Variants in ZNF532 observed in about 807,000 individuals in gnomAD.
The protein encoded by ZNF532 is zinc finger protein 532.
Under a neutral mutation model 89.3 loss-of-function variants are expected in ZNF532, and 22 were observed. The observed-to-expected ratio is 0.25, with a 90% CI of 0.18 to 0.35. The LOEUF (loss-of-function observed/expected upper bound fraction) is 0.35. Among genes scored for constraint, ZNF532 ranks in the 10% least tolerant of loss-of-function variants. The probability of loss-of-function intolerance (pLI) is 1.00; values close to 1 mark genes in which losing one functional copy is unlikely to be tolerated. For missense variants in ZNF532, 1,132 were observed against 1,643.4 expected (o/e 0.69, Z 5.38); for synonymous variants, 606 against 649.6 (o/e 0.93, Z 1.02).
At chr18:58,967,907 G>GA (rs2066092876) in intron 7 of ZNF532, among the ~76,000 whole-genome samples, 2 of 152,194 alleles carry the variant, frequency 1.3e-5, no homozygotes, top group Non-Finnish European at 2.9e-5. Context: ...ACATGTGTTA[G>GA]AAAAAATCAT....
chr18:58,919,780 A>G lies in ZNF532; in HGVS notation c.1493A>G (p.Asn498Ser), dbSNP rs370142003. ...SASSAIIKAANAIQQQTVVVP... is the reference protein window; with the variant it reads ...SASSAIIKAASAIQQQTVVVP... ...AGCAGCGCCATCATTAAAGCTGCCAACGCCATCCAGCAGCAAACTGTCGTG... is the reference window on the plus strand; with the variant it reads ...AGCAGCGCCATCATTAAAGCTGCCAGCGCCATCCAGCAGCAAACTGTCGTG... The change falls in exon 3 of 10, where the codon AAC becomes AGC. Residue 498 changes from asparagine (N) to serine (S), a missense_variant. Physicochemically the swap from Asn to Ser is conservative, Grantham distance 46. Around this residue, in one of 9 missense-constraint regions of ZNF532, gnomAD observed 97 missense variants for 143.7 expected, o/e 0.68. Transcript: ENST00000591808. This position sits in a 1 kb window ranked among gnomAD's most constrained non-coding sequence, Gnocchi z 6.1. The G allele has an allele frequency of 5.0e-6, 8 of 1,613,950 alleles. No homozygotes were observed. In the Admixed American group the frequency reaches 6.7e-5, roughly 13 times the overall value.
chr18:58,952,236 G>C (rs565169434), intron 6 of ZNF532, among the ~76,000 whole-genome samples: 3 of 152,204 alleles, frequency 2.0e-5, no homozygotes, highest in Non-Finnish European at 4.4e-5. Flanking sequence ...ATGTGTGAAA[G>C]CCTCTTAGGA....
intron 6 of ZNF532, 78 bp downstream of exon 6, chr18:58,948,307 T>C: frequency 6.8e-7 from 1 of 1,461,214 alleles, no homozygotes; most frequent in African/African-American, 1.4e-5. Context: ...GAGCTGCAGG[T>C]GACTCTAAAG....
At chr18:58,966,590 C>T (rs1298199685) in intron 7 of ZNF532, among the ~76,000 whole-genome samples, 1 of 152,034 alleles carries the variant, frequency 6.6e-6, no homozygotes, top group Non-Finnish European at 1.5e-5. Context: ...GATTCCATTT[C>T]TAAAATTTAC....
chr18:58,966,425 C>T (rs927269102), intron 7 of ZNF532, among the ~76,000 whole-genome samples: 10 of 151,938 alleles, frequency 6.6e-5, no homozygotes, highest in Non-Finnish European at 1.5e-4. Flanking sequence ...TTTAGCAAAC[C>T]TGTTTATTTT....
At chr18:58,957,412 T>C (rs1335421313) in intron 7 of ZNF532, among the ~76,000 whole-genome samples, 6 of 68,600 alleles carry the variant, frequency 8.7e-5, no homozygotes, top group Middle Eastern at 0.011. Flanking sequence ...AATACATATA[T>C]ATATATATAT....
At chr18:58,869,913 C>T (rs529245221) in intron 2 of ZNF532, among the ~76,000 whole-genome samples, 10 of 151,422 alleles carry the variant, frequency 6.6e-5, no homozygotes, top group Admixed American at 3.3e-4. Context: ...ATTACAGGTG[C>T]GTGCCACCAT....
chr18:58,953,974 C>T (rs1392991332), intron 7 of ZNF532, 175 bp downstream of exon 7: 1 of 985,196 alleles, frequency 1.0e-6, no homozygotes, highest in East Asian at 1.1e-4. Context: ...CTTTTCAAAT[C>T]CTTCAGTCTT....
chr18:58,929,018 A>G (rs944015428), intron 3 of ZNF532, among the ~76,000 whole-genome samples: 17 of 152,306 alleles, frequency 1.1e-4, no homozygotes, highest in African/African-American at 3.6e-4. Flanking sequence ...TTCTTGTGGC[A>G]TTTATATCAG....
intron 6 of ZNF532, among the ~76,000 whole-genome samples, chr18:58,950,503 A>G (rs972601972): frequency 5.3e-5 from 8 of 151,812 alleles, no homozygotes; most frequent in African/African-American, 9.7e-5. Flanking sequence ...AAGATAATCT[A>G]TTTAGCTCTT....
intron 2 of ZNF532, among the ~76,000 whole-genome samples, chr18:58,890,272 A>G (rs1359175991): frequency 6.6e-6 from 1 of 151,618 alleles, no homozygotes; most frequent in Non-Finnish European, 1.5e-5. Flanking sequence ...ACACACACAT[A>G]CATATATATA....
chr18:58,904,834 C>CT (rs2059824762), intron 2 of ZNF532, among the ~76,000 whole-genome samples: 1 of 147,830 alleles, frequency 6.8e-6, no homozygotes, highest in Non-Finnish European at 1.5e-5. Flanking sequence ...AATTCTATTT[C>CT]TTTCTTTTTT....
chr18:58,907,153 C>G (rs902653616), intron 2 of ZNF532, among the ~76,000 whole-genome samples: 2 of 152,088 alleles, frequency 1.3e-5, no homozygotes, highest in Admixed American at 1.3e-4. Context: ...CAGATATGAC[C>G]ATTAAGGCTG....
chr18:58,869,042 T>C (rs2056741435), intron 2 of ZNF532, among the ~76,000 whole-genome samples: 1 of 152,198 alleles, frequency 6.6e-6, no homozygotes, highest in Non-Finnish European at 1.5e-5. Context: ...TTCTGACCAA[T>C]CTAAACACAT....
In ZNF532 at chr18:58,918,590, T is replaced by A. The variant is rs374329492; in HGVS notation, c.303T>A (p.Ser101Arg). The A allele has an allele frequency of 5.6e-6, 9 of 1,613,996 alleles. 1 individual carries two copies. The South Asian group carries it at 7.7e-5, about 14-fold the overall frequency. Reference protein sequence around the residue: ...NGFLTASSLDSYSKDGAKSLK... With the variant: ...NGFLTASSLDRYSKDGAKSLK... ...TTCTCACAGCATCCTCCCTTGACAGTTACAGTAAAGATGGAGCAAAGTCCT... is the reference window on the plus strand; with the variant it reads ...TTCTCACAGCATCCTCCCTTGACAGATACAGTAAAGATGGAGCAAAGTCCT... Residue 101 changes from serine to arginine, a missense_variant, in exon 3 of 10, where the codon AGT (serine) becomes AGA (arginine). Physicochemically the swap from Ser to Arg is moderately radical, Grantham distance 110 (BLOSUM62 -1). Coordinates refer to ENST00000591808, the MANE Select transcript of ZNF532 (RefSeq NM_001375912.1).
In ZNF532 at chr18:58,882,288, CCTTAAGTCAT is replaced by C. The variant is rs1453601051; in HGVS notation, c.-18+16713_-18+16722del. On this transcript the variant is annotated intron_variant, in intron 2 of 9. Coordinates refer to ENST00000591808, the MANE Select transcript of ZNF532 (RefSeq NM_001375912.1). Reference sequence around the variant, plus strand: ...TTGGAGATTTGTTAACTTGTTCTTTCCTTAAGTCATCTTGGGTTGATGCAGAGGTGTGTCT... The same window carrying C: ...TTGGAGATTTGTTAACTTGTTCTTTCCTTGGGTTGATGCAGAGGTGTGTCT... 6.6e-5 allele frequency among the ~76,000 whole-genome samples: 10 copies of C among 152,146 alleles called. No individual in the cohort carries two copies. In the South Asian group the frequency reaches 1.2e-3, roughly 19 times the overall value.
intron 5 of ZNF532, among the ~76,000 whole-genome samples, chr18:58,942,036 C>T (rs1235361196): frequency 3.6e-5 from 5 of 139,620 alleles, no homozygotes; most frequent in Non-Finnish European, 6.2e-5. Flanking sequence ...TTTCTACCCC[C>T]GCCCCCCCCT....
intron 2 of ZNF532, among the ~76,000 whole-genome samples, chr18:58,874,926 AATAATT>A (rs1472404828): frequency 6.6e-6 from 1 of 152,112 alleles, no homozygotes; most frequent in Non-Finnish European, 1.5e-5. Flanking sequence ...AGGATCTATG[AATAATT>A]ATTTTATTTC....
In ZNF532 at chr18:58,888,741, T is replaced by TTTTATATATATATAAAATATATATAA. The variant is rs1555709058; in HGVS notation, c.-18+23180_-18+23181insATATATAATTTATATATATATAAAAT. ...TATATATATAAATTATATATATATA[T>TTTTATATATATATAAAATATATATAA]TTTATATATATATAAAATTAATATA... On this transcript the variant is annotated intron_variant, in intron 2 of 9. Coordinates refer to ENST00000591808, the MANE Select transcript of ZNF532 (RefSeq NM_001375912.1). Among the ~76,000 whole-genome samples the TTTTATATATATATAAAATATATATAA allele has an allele frequency of 6.6e-5, 2 of 30,442 alleles. 1 individual carries two copies. The highest frequency in any genetic ancestry group is 1.0e-4 in the Non-Finnish European group (2 of 19,866). 20.0% of individuals were successfully genotyped at this position (30,442 alleles called of 152,430 possible).
Sources: gnomAD v4.1 joint callset for allele counts (sites outside exome capture counted in the v4.1 genomes callset) on GRCh38, gnomAD v4.1.1 for gene constraint, gnomAD v4.1.1 regional missense constraint, Gnocchi (gnomAD v3.1) non-coding constraint, MANE v1.5 for transcripts, NCBI Gene and HGNC (gene_info 2026-07-23, HGNC 2026-07-21) for gene names.